ENTREP1: variants seen among roughly 807,000 people sequenced by gnomAD.
ENTREP1 encodes Friedreich ataxia region gene X123.
the ENTREP1 span, among the ~76,000 whole-genome samples, chr9:69,326,786 A>G: frequency 6.7e-6 from 1 of 149,954 alleles, no homozygotes; most frequent in African/African-American, 2.5e-5. Flanking sequence ...CTGGTTTCCA[A>G]CTCCTGAGCT....
At chr9:69,330,814 T>C in the ENTREP1 span, among the ~76,000 whole-genome samples, 1 of 152,190 alleles carries the variant, frequency 6.6e-6, no homozygotes, top group South Asian at 2.1e-4. Flanking sequence ...GGATGCTTCT[T>C]CTTCTTCAGT....
the ENTREP1 span, among the ~76,000 whole-genome samples, chr9:69,352,969 T>G: frequency 6.6e-6 from 1 of 152,120 alleles, no homozygotes; most frequent in African/African-American, 2.4e-5. Flanking sequence ...GACCCCCATC[T>G]CTACAAAAAC....
the ENTREP1 span, among the ~76,000 whole-genome samples, chr9:69,332,513 C>A: frequency 2.0e-5 from 3 of 152,104 alleles, no homozygotes; most frequent in African/African-American, 7.2e-5. Context: ...TGTATTTCTC[C>A]CCAGTGAGGC....
the ENTREP1 span, among the ~76,000 whole-genome samples, chr9:69,356,996 G>T: frequency 6.6e-6 from 1 of 150,824 alleles, no homozygotes; most frequent in Non-Finnish European, 1.5e-5. Flanking sequence ...GGTGGCTCAC[G>T]CCAGCAACCC....
chr9:69,355,343 G>A, the ENTREP1 span, among the ~76,000 whole-genome samples: 1 of 152,168 alleles, frequency 6.6e-6, no homozygotes, highest in African/African-American at 2.4e-5. Flanking sequence ...CACATATATA[G>A]AAATGGACTC....
chr9:69,327,274 A>ATT, the ENTREP1 span, among the ~76,000 whole-genome samples: 1 of 152,116 alleles, frequency 6.6e-6, no homozygotes, highest in Non-Finnish European at 1.5e-5. Flanking sequence ...ACTGGCCTCT[A>ATT]TGAGTGTTCA....
chr9:69,350,858 T>G, the ENTREP1 span, among the ~76,000 whole-genome samples: 2 of 151,636 alleles, frequency 1.3e-5, no homozygotes, highest in East Asian at 3.9e-4. Flanking sequence ...CTAGAAAACC[T>G]TTTTCTTTTT....
At chr9:69,331,861 C>T in the ENTREP1 span, among the ~76,000 whole-genome samples, 1 of 152,104 alleles carries the variant, frequency 6.6e-6, no homozygotes, top group African/African-American at 2.4e-5. Flanking sequence ...CATTTGATAG[C>T]ATTGTGGCAT....
chr9:69,369,972 G>A, the ENTREP1 span, among the ~76,000 whole-genome samples: 11 of 152,036 alleles, frequency 7.2e-5, no homozygotes, highest in African/African-American at 1.4e-4. Flanking sequence ...CAATATATGA[G>A]TGAAAATATT....
the ENTREP1 span, among the ~76,000 whole-genome samples, chr9:69,356,380 A>G: frequency 6.6e-6 from 1 of 152,172 alleles, no homozygotes. Flanking sequence ...TCGTGATATG[A>G]GGAACGCCCT....
the ENTREP1 span, among the ~76,000 whole-genome samples, chr9:69,385,236 A>G: frequency 6.6e-6 from 1 of 152,168 alleles, no homozygotes; most frequent in Non-Finnish European, 1.5e-5. Flanking sequence ...TTCCATTTTT[A>G]AAAACAGTTT....
chr9:69,352,939 C>T, the ENTREP1 span, among the ~76,000 whole-genome samples: 3 of 152,112 alleles, frequency 2.0e-5, no homozygotes, highest in Non-Finnish European at 4.4e-5. Flanking sequence ...ACTTTGAAAC[C>T]AGCCTGGACA....
chr9:69,377,526 A>T, the ENTREP1 span: 1 of 1,608,550 alleles, frequency 6.2e-7, no homozygotes. Flanking sequence ...GAGCCAGCCC[A>T]TGGACCCCTT....
chr9:69,365,890 A>G, the ENTREP1 span, among the ~76,000 whole-genome samples: 3 of 152,128 alleles, frequency 2.0e-5, no homozygotes, highest in African/African-American at 4.8e-5. Context: ...AAACATTTCA[A>G]TGTGTATATA....
the ENTREP1 span, among the ~76,000 whole-genome samples, chr9:69,353,820 T>G: frequency 6.6e-6 from 1 of 152,218 alleles, no homozygotes; most frequent in Admixed American, 6.5e-5. Flanking sequence ...TTGTAGGAAT[T>G]GACTTAGCGA....
the ENTREP1 span, among the ~76,000 whole-genome samples, chr9:69,338,253 C>G: frequency 6.6e-6 from 1 of 152,148 alleles, no homozygotes. Flanking sequence ...CACAATGACT[C>G]TCTAGGTTTA....
the ENTREP1 span, among the ~76,000 whole-genome samples, chr9:69,339,302 T>C: frequency 6.6e-6 from 1 of 152,230 alleles, no homozygotes; most frequent in Non-Finnish European, 1.5e-5. Flanking sequence ...ATTACAGGTA[T>C]GAGCCACTAT....
the ENTREP1 span, among the ~76,000 whole-genome samples, chr9:69,353,315 G>A: frequency 6.6e-6 from 1 of 152,132 alleles, no homozygotes; most frequent in African/African-American, 2.4e-5. Flanking sequence ...GTTTTGTTAT[G>A]AGAATTCTCA....
the ENTREP1 span, among the ~76,000 whole-genome samples, chr9:69,348,610 A>G: frequency 2.0e-5 from 3 of 152,186 alleles, no homozygotes; most frequent in Non-Finnish European, 4.4e-5. Context: ...TTTCCTCTCA[A>G]TACCTTCAGC....
Sources: gnomAD v4.1 joint callset for allele counts (sites outside exome capture counted in the v4.1 genomes callset) on GRCh38, gnomAD v4.1.1 for gene constraint, MANE v1.5 for transcripts, NCBI Gene and HGNC (gene_info 2026-07-23, HGNC 2026-07-21) for gene names.